SLC7A5: variants seen among roughly 807,000 people sequenced by gnomAD.
The protein encoded by SLC7A5 is solute carrier family 7 member 5.
Under a neutral mutation model 50.2 loss-of-function variants are expected in SLC7A5, and 23 were observed. That is an observed-to-expected ratio of 0.46 (90% confidence interval 0.33 to 0.65). The LOEUF (loss-of-function observed/expected upper bound fraction) is 0.65. Ranked by LOEUF, SLC7A5 falls within the 30% of genes least tolerant of loss-of-function variation. SLC7A5 has a pLI of 0.02. For synonymous variants in SLC7A5, 393 were observed against 330.6 expected, an observed-to-expected ratio of 1.19 and a Z score of -2.05; for missense variants, 578 against 684.4, an observed-to-expected ratio of 0.84 and a Z score of 1.73.
At position 87,834,782 on chromosome 16, in the gene SLC7A5, G is replaced by A. The variant is rs753500240; in HGVS notation, c.1291-191C>T. 87 of 643,898 alleles carry A rather than the reference G, an allele frequency of 1.4e-4. No individual in the cohort carries two copies. In the Middle Eastern group the frequency reaches 2.0e-3, roughly 15 times the overall value. 39.9% of individuals were successfully genotyped at this position (643,898 alleles called of 1,614,324 possible). A position where few individuals can be genotyped will look rare whatever the true frequency, so the allele number is the denominator to read the frequency against. On this transcript the variant is annotated intron_variant, in intron 8 of 9. Coordinates refer to ENST00000261622, the MANE Select transcript of SLC7A5 (RefSeq NM_003486.7). ...GCCCTCGACTCTGCATACAGTGCTG[G>A]GCATGTTGCCAGGGGCTCAGGCGGC...
rs896841034 is a variant in SLC7A5, at chr16:87,862,259, C to G, written c.538+6626G>C. ...TGGACACCCAGGGGGCAGATAGAGG[C>G]AGCCAGGCAGCCTGAAGACCCTGGG... On this transcript the variant is annotated intron_variant, in intron 1 of 9. Transcript: ENST00000261622. The surrounding 1 kb of genome is among the most constrained non-coding windows in gnomAD (Gnocchi z 5.3). 1.3e-5 allele frequency among the ~76,000 whole-genome samples: 2 copies of G among 152,152 alleles called. No individual in the cohort carries two copies. The highest frequency in any genetic ancestry group is 2.9e-5 in the Non-Finnish European group (2 of 68,012).
intron 1 of SLC7A5, among the ~76,000 whole-genome samples, chr16:87,865,844 G>A (rs556359460): frequency 9.2e-5 from 14 of 151,828 alleles, no homozygotes; most frequent in African/African-American, 3.4e-4. Flanking sequence ...ACACCCCGCC[G>A]GGTGCGATGG....
In SLC7A5 at chr16:87,852,116, C is replaced by A. The variant is rs1000519993; in HGVS notation, c.539-267G>T. Reference sequence around the variant, plus strand: ...GCAAGGGACCTTTCCTCACCCCCCACCACACCAGGCCATGGAGTCCCACCT... The same window carrying A: ...GCAAGGGACCTTTCCTCACCCCCCAACACACCAGGCCATGGAGTCCCACCT... On this transcript the variant is annotated intron_variant, in intron 1 of 9. Transcript: ENST00000261622. This position sits in a 1 kb window ranked among gnomAD's most constrained non-coding sequence, Gnocchi z 4.5. Among the ~76,000 whole-genome samples the A allele has an allele frequency of 4.6e-5, 7 of 152,322 alleles. No individual in the cohort carries two copies. Among genetic ancestry groups the A allele is most frequent in the African/African-American group, 1.7e-4 (7 of 41,584 alleles).
rs369984883 is a variant in SLC7A5, at chr16:87,832,936, C to A, written c.*34G>T. Reference sequence around the variant, plus strand: ...GGTGATCTACTTTAACTGGCCTCTGCGCATGCTCCTCCGGCAGCCACTCGG... The same window carrying A: ...GGTGATCTACTTTAACTGGCCTCTGAGCATGCTCCTCCGGCAGCCACTCGG... On this transcript the variant is annotated 3_prime_UTR_variant, in exon 10 of 10. Transcript: ENST00000261622. The surrounding 1 kb of genome is among the most constrained non-coding windows in gnomAD (Gnocchi z 4.6). 4.4e-6 allele frequency: 7 copies of A among 1,586,356 alleles called. No individual in the cohort carries two copies. The highest frequency in any genetic ancestry group is 6.1e-6 in the Non-Finnish European group (7 of 1,155,146).
chr16:87,859,860 G>A (rs1331218364), intron 1 of SLC7A5, among the ~76,000 whole-genome samples: 1 of 152,156 alleles, frequency 6.6e-6, no homozygotes, highest in South Asian at 2.1e-4. Context: ...AGAATCGCTT[G>A]AACCGGGTTG....
chr16:87,832,371 AC>A lies in SLC7A5; in HGVS notation c.*598del, dbSNP rs909262736. The A allele has an allele frequency of 1.3e-5, 2 of 152,258 alleles. No homozygotes were observed. The highest frequency in any genetic ancestry group is 1.3e-4 in the Admixed American group (2 of 15,284). The allele number at this position is 152,258 out of a possible 1,614,324, so 9.4% of individuals were successfully genotyped here. A position where few individuals can be genotyped will look rare whatever the true frequency, so the allele number is the denominator to read the frequency against. ...CCTCAAGCACCTCCTGGGAGGAATC[AC>A]CCACCTTGCCCAGATCCCCCACCCC... On this transcript the variant is annotated 3_prime_UTR_variant, in exon 10 of 10. Transcript: ENST00000261622. The surrounding 1 kb of genome is among the most constrained non-coding windows in gnomAD (Gnocchi z 4.6).
In SLC7A5 at chr16:87,848,282, C is replaced by T. The variant is rs747192328; in HGVS notation, c.664+3442G>A. Among the ~76,000 whole-genome samples, 27 of 152,352 alleles carry T rather than the reference C, an allele frequency of 1.8e-4. No individual in the cohort carries two copies. In the East Asian group the frequency reaches 1.9e-3, roughly 11 times the overall value. On this transcript the variant is annotated intron_variant, in intron 2 of 9. Transcript: ENST00000261622. ...AGAGATTAGTTTGTTCTGCCGCTGA[C>T]GGCTGCAGCCCAAGCAAAGCACAAA...
At chr16:87,838,674 C>G in intron 6 of SLC7A5, 40 bp downstream of exon 6, 1 of 1,478,824 alleles carries the variant, frequency 6.8e-7, no homozygotes, top group Non-Finnish European at 9.5e-7. Flanking sequence ...GCCATGAGGC[C>G]TGGGCCTCCC....
chr16:87,868,506 G>GCTCTAACAGTAAA (rs1567504795), intron 1 of SLC7A5, among the ~76,000 whole-genome samples: 1 of 152,192 alleles, frequency 6.6e-6, no homozygotes, highest in African/African-American at 2.4e-5. Flanking sequence ...AGCAATCGGA[G>GCTCTAACAGTAAA]CTCTAACAGT....
Position 87,833,263 on chromosome 16 carries a change from T to C in SLC7A5, c.1469-238A>G, listed in dbSNP as rs558928951. Among the ~76,000 whole-genome samples, 78 of 152,368 alleles carry C rather than the reference T, an allele frequency of 5.1e-4. No homozygotes were observed. Among genetic ancestry groups the C allele is most frequent in the African/African-American group, 1.8e-3 (73 of 41,592 alleles). On this transcript the variant is annotated intron_variant, in intron 9 of 9. Transcript: ENST00000261622. The surrounding 1 kb of genome is among the most constrained non-coding windows in gnomAD (Gnocchi z 6.0). ...CATCCCACTCGGCCCACCCCTCGCC[T>C]GCTTCAGAACCCTGGGGAGGCAGAG...
chr16:87,845,470 A>C (rs1474038632), intron 2 of SLC7A5, among the ~76,000 whole-genome samples: 1 of 146,240 alleles, frequency 6.8e-6, no homozygotes, highest in African/African-American at 2.6e-5. Flanking sequence ...GGCAGAGTCC[A>C]CGCCCACCCC....
chr16:87,837,255 A>G (rs993430204), intron 7 of SLC7A5, among the ~76,000 whole-genome samples: 9 of 152,044 alleles, frequency 5.9e-5, no homozygotes, highest in African/African-American at 2.2e-4. Flanking sequence ...CAGTGTGCTC[A>G]GGGGTGGGGC....
chr16:87,869,017 C>G lies in SLC7A5; in HGVS notation c.406G>C (p.Glu136Gln), dbSNP rs1297465846. ...SLPAFLKLWI[E>Q]LLIIRPSSQY... ...GATGAAGGCCGGATGATGAGCAGCT[C>G]GATCCAGAGCTTGAGGAAGGCGGGC... is the stretch of plus-strand genomic sequence containing the variant. Residue 136 changes from glutamate (E) to glutamine (Q), a missense_variant, in exon 1 of 10, where the codon GAG (glutamate) becomes CAG (glutamine). This residue lies in a region of SLC7A5 where 465 missense variants were observed against 594.6 expected (regional missense o/e 0.78). Coordinates refer to ENST00000261622, the MANE Select transcript of SLC7A5 (RefSeq NM_003486.7). 1.9e-6 allele frequency: 3 copies of G among 1,611,734 alleles called. No homozygotes were observed. The highest frequency in any genetic ancestry group is 2.5e-6 in the Non-Finnish European group (3 of 1,179,814).
intron 8 of SLC7A5, among the ~76,000 whole-genome samples, chr16:87,836,206 T>G (rs923539985): frequency 2.0e-5 from 3 of 152,194 alleles, no homozygotes; most frequent in African/African-American, 7.2e-5. Context: ...CTGCCGGGGC[T>G]CACCACCGCC....
At chr16:87,854,319 A>T (rs2055285894) in intron 1 of SLC7A5, among the ~76,000 whole-genome samples, 1 of 152,184 alleles carries the variant, frequency 6.6e-6, no homozygotes, top group African/African-American at 2.4e-5. Context: ...ATAAATTTTC[A>T]TGTTCACTGA....
chr16:87,861,097 C>G lies in SLC7A5; in HGVS notation c.538+7788G>C, dbSNP rs914219332. Among the ~76,000 whole-genome samples, 1 of 152,208 alleles carries G rather than the reference C, an allele frequency of 6.6e-6. No individual in the cohort carries two copies. Among genetic ancestry groups the G allele is most frequent in the East Asian group, 1.9e-4 (1 of 5,188 alleles). On this transcript the variant is annotated intron_variant, in intron 1 of 9. Coordinates refer to ENST00000261622, the MANE Select transcript of SLC7A5 (RefSeq NM_003486.7). This position sits in a 1 kb window ranked among gnomAD's most constrained non-coding sequence, Gnocchi z 4.2. ...CTGGGGAGCGTGCGGGCACACAGTA[C>G]CAATCTGCATGCATACACGTGTCCT...
intron 1 of SLC7A5, among the ~76,000 whole-genome samples, chr16:87,864,159 G>C (rs1199128042): frequency 6.6e-6 from 1 of 150,878 alleles, no homozygotes; most frequent in Non-Finnish European, 1.5e-5. Flanking sequence ...AGGCATGGTG[G>C]TGCATGCCTG....
rs1165658749 is a variant in SLC7A5, at chr16:87,852,052, C to G, written c.539-203G>C. On this transcript the variant is annotated intron_variant, in intron 1 of 9. Transcript: ENST00000261622. This position sits in a 1 kb window ranked among gnomAD's most constrained non-coding sequence, Gnocchi z 4.5. ...GTTTTGATAAACTTCGCAGTCCTTT[C>G]AGGTCTAAGGGCTGGATCCCAGGTG... Among the ~76,000 whole-genome samples the G allele has an allele frequency of 6.6e-6, 1 of 152,080 alleles. No homozygotes were observed. Among genetic ancestry groups the G allele is most frequent in the African/African-American group, 2.4e-5 (1 of 41,412 alleles).
rs529391409 is a variant in SLC7A5, at chr16:87,846,741, A to G, written c.664+4983T>C. On this transcript the variant is annotated intron_variant, in intron 2 of 9. Coordinates refer to ENST00000261622, the MANE Select transcript of SLC7A5 (RefSeq NM_003486.7). ...CCAGGTAGCAGGGCCCTGGCACCAG[A>G]CCCTCTGAAGCTGAGACCCACCCAC... Among the ~76,000 whole-genome samples, 116 of 152,154 alleles carry G rather than the reference A, an allele frequency of 7.6e-4. 2 individuals are homozygous for G. Among genetic ancestry groups the G allele is most frequent in the Non-Finnish European group, 1.2e-3 (79 of 67,974 alleles).
Sources: allele counts gnomAD v4.1 joint callset (sites outside exome capture counted in the v4.1 genomes callset), GRCh38; gene constraint gnomAD v4.1.1; regional missense constraint gnomAD v4.1.1; non-coding constraint Gnocchi (gnomAD v3.1); transcripts MANE v1.5; gene names NCBI Gene and HGNC (gene_info 2026-07-23, HGNC 2026-07-21).